The following FBXL7 variants were observed in gnomAD, a reference collection of about 807,000 sequenced individuals.
FBXL7 encodes F-box/LRR-repeat protein 7.
FBXL7 carries 12 observed loss-of-function variants against 38.3 expected under a neutral mutation model. The observed-to-expected ratio is 0.31, with a 90% CI of 0.20 to 0.51. FBXL7 has a LOEUF of 0.51. FBXL7 is among the 20% of genes least tolerant of loss of function. The pLI is 0.98. For missense variants in FBXL7, 567 were observed against 676.4 expected, an observed-to-expected ratio of 0.84 and a Z score of 1.79; for synonymous variants, 297 against 300.9, an observed-to-expected ratio of 0.99 and a Z score of 0.13.
chr5:15,900,915 T>C (rs937278607), intron 2 of FBXL7, among the ~76,000 whole-genome samples: 7 of 152,242 alleles, frequency 4.6e-5, no homozygotes, highest in African/African-American at 1.7e-4. Context: ...AAGTGCTTCA[T>C]TGAAATTAAG....
At chr5:15,659,475 T>C (rs1222164472) in intron 2 of FBXL7, among the ~76,000 whole-genome samples, 1 of 152,238 alleles carries the variant, frequency 6.6e-6, no homozygotes, top group African/African-American at 2.4e-5. Flanking sequence ...GACCTGATAA[T>C]ACTCTACAAT....
Position 15,764,695 on chromosome 5 carries a change from C to T in FBXL7, c.127+148623C>T, listed in dbSNP as rs142839391. On this transcript the variant is annotated intron_variant, in intron 2 of 3. Coordinates refer to ENST00000504595, the MANE Select transcript of FBXL7 (RefSeq NM_012304.5). The stretch of plus-strand genomic sequence containing the variant: ...ATTGGCCATCCCTGCATTTTAGTTT[C>T]CTCATCTGTGATGAAGGCCACTATA... Among the ~76,000 whole-genome samples, 21 of 152,350 alleles carry T rather than the reference C, an allele frequency of 1.4e-4. 1 individual carries two copies. The East Asian group carries it at 3.9e-3, about 28-fold the overall frequency.
chr5:15,762,591 C>T (rs1049957404), intron 2 of FBXL7, among the ~76,000 whole-genome samples: 1 of 152,162 alleles, frequency 6.6e-6, no homozygotes, highest in Non-Finnish European at 1.5e-5. Flanking sequence ...TCCCCTAAGC[C>T]TCACTTTCTT....
intron 1 of FBXL7, among the ~76,000 whole-genome samples, chr5:15,570,897 A>G (rs1738756951): frequency 6.6e-6 from 1 of 152,150 alleles, no homozygotes; most frequent in Admixed American, 6.5e-5. Context: ...GTTCGAGACC[A>G]GGCTGACCAA....
intron 2 of FBXL7, among the ~76,000 whole-genome samples, chr5:15,761,867 C>A (rs1466434922): frequency 6.6e-6 from 1 of 152,172 alleles, no homozygotes; most frequent in African/African-American, 2.4e-5. Context: ...GTTTGAATTG[C>A]TTTTTTGAAT....
intron 2 of FBXL7, among the ~76,000 whole-genome samples, chr5:15,927,096 G>A (rs181982463): frequency 4.1e-4 from 63 of 152,104 alleles, no homozygotes; most frequent in Admixed American, 1.2e-3. Context: ...ACTGGAAGTT[G>A]TCAAACTATG....
intron 2 of FBXL7, among the ~76,000 whole-genome samples, chr5:15,687,631 C>A (rs938653541): frequency 6.6e-6 from 1 of 152,104 alleles, no homozygotes. Context: ...GAGAATTCAG[C>A]GGGAAATGGG....
chr5:15,671,439 A>G (rs1742472078), intron 2 of FBXL7, among the ~76,000 whole-genome samples: 1 of 145,848 alleles, frequency 6.9e-6, no homozygotes, highest in African/African-American at 2.6e-5. Flanking sequence ...TAGGTGAGTT[A>G]AACAATTGGT....
intron 2 of FBXL7, among the ~76,000 whole-genome samples, chr5:15,633,773 TA>T (rs1189409067): frequency 6.9e-6 from 1 of 144,430 alleles, no homozygotes; most frequent in Non-Finnish European, 1.5e-5. Context: ...TTATTATTAT[TA>T]TTATTTTATT....
intron 3 of FBXL7, among the ~76,000 whole-genome samples, chr5:15,934,154 A>C (rs1406508727): frequency 1.3e-5 from 2 of 152,052 alleles, no homozygotes; most frequent in African/African-American, 4.8e-5. Flanking sequence ...ACAGGCATGC[A>C]CCACCATACC....
intron 2 of FBXL7, among the ~76,000 whole-genome samples, chr5:15,751,383 GGAGGTTTAGAT>G (rs1245116523): frequency 2.6e-5 from 4 of 152,180 alleles, no homozygotes; most frequent in Non-Finnish European, 2.9e-5. Flanking sequence ...CTGTAAACAT[GGAGGTTTAGAT>G]GAGAACTTAG....
chr5:15,648,639 T>TA (rs376599169), intron 2 of FBXL7, among the ~76,000 whole-genome samples: 51 of 152,342 alleles, frequency 3.3e-4, no homozygotes, highest in African/African-American at 1.1e-3. Context: ...TGCTGCAAGA[T>TA]AAAGTCTCTG....
chr5:15,708,684 T>C (rs1234066856), intron 2 of FBXL7, among the ~76,000 whole-genome samples: 1 of 152,200 alleles, frequency 6.6e-6, no homozygotes, highest in Non-Finnish European at 1.5e-5. Flanking sequence ...GATTTTTCAT[T>C]TAAGGGAACT....
intron 2 of FBXL7, among the ~76,000 whole-genome samples, chr5:15,845,512 C>A (rs1231920237): frequency 6.6e-6 from 1 of 151,674 alleles, no homozygotes; most frequent in Admixed American, 6.6e-5. Flanking sequence ...TTGGAAGGAG[C>A]TCATATTGCT....
chr5:15,913,040 A>G (rs1367721704), intron 2 of FBXL7, among the ~76,000 whole-genome samples: 1 of 152,194 alleles, frequency 6.6e-6, no homozygotes, highest in African/African-American at 2.4e-5. Flanking sequence ...ATATTTGATA[A>G]TATAGAAAGA....
chr5:15,760,580 G>A (rs140527950), intron 2 of FBXL7, among the ~76,000 whole-genome samples: 2 of 152,140 alleles, frequency 1.3e-5, no homozygotes, highest in Non-Finnish European at 2.9e-5. Flanking sequence ...TTGACTTCTT[G>A]TTTGGATTTC....
At chr5:15,509,025 T>C (rs2126352741) in intron 1 of FBXL7, among the ~76,000 whole-genome samples, 1 of 152,278 alleles carries the variant, frequency 6.6e-6, no homozygotes, top group South Asian at 2.1e-4. Context: ...GCAAGACCCT[T>C]AATTGTGTTT....
chr5:15,824,924 G>A (rs1017077742), intron 2 of FBXL7, among the ~76,000 whole-genome samples: 1 of 152,162 alleles, frequency 6.6e-6, no homozygotes, highest in Non-Finnish European at 1.5e-5. Flanking sequence ...AGCTAGAAGA[G>A]TTTCCAAAAT....
chr5:15,804,410 A>G (rs1328443418), intron 2 of FBXL7, among the ~76,000 whole-genome samples: 1 of 152,204 alleles, frequency 6.6e-6, no homozygotes, highest in Admixed American at 6.5e-5. Context: ...CAGAGGCTGC[A>G]GTGAGCTCTG....
Sources: allele counts gnomAD v4.1 joint callset (sites outside exome capture counted in the v4.1 genomes callset), GRCh38; gene constraint gnomAD v4.1.1; transcripts MANE v1.5; gene names NCBI Gene and HGNC (gene_info 2026-07-23, HGNC 2026-07-21).